The following BCKDHB variants were observed in gnomAD, a reference collection of about 807,000 sequenced individuals.
BCKDHB encodes the protein 2-oxoisovalerate dehydrogenase subunit beta, mitochondrial.
BCKDHB carries 41 observed loss-of-function variants against 48.5 expected under a neutral mutation model. The ratio of observed to expected loss-of-function variants is 0.85; its 90% confidence interval spans 0.66 to 1.10. BCKDHB has a LOEUF of 1.10. BCKDHB is among the 50% of genes least tolerant of loss of function. BCKDHB has a pLI of 0.00. For synonymous variants in BCKDHB, 201 were observed against 174.8 expected, an observed-to-expected ratio of 1.15 and a Z score of -1.18; for missense variants, 496 against 494.2, an observed-to-expected ratio of 1.00 and a Z score of -0.03.
chr6:80,205,320 A>G, intron 8 of BCKDHB, among the ~76,000 whole-genome samples: 1 of 152,018 alleles, frequency 6.6e-6, no homozygotes, highest in East Asian at 1.9e-4. Context: ...TCTTTTAATT[A>G]GCTGTGTTTT....
chr6:80,308,013 G>A (rs373103825), intron 9 of BCKDHB: 1 of 735,702 alleles, frequency 1.4e-6, no homozygotes, highest in Non-Finnish European at 1.7e-6. Context: ...TAAGGGGATG[G>A]TCACTGACCT....
intron 9 of BCKDHB, among the ~76,000 whole-genome samples, chr6:80,317,164 A>G (rs1768490267): frequency 6.6e-6 from 1 of 152,176 alleles, no homozygotes; most frequent in Non-Finnish European, 1.5e-5. Flanking sequence ...CTTAAGGGGC[A>G]GACTTGACTA....
intron 8 of BCKDHB, among the ~76,000 whole-genome samples, chr6:80,220,734 CTTTTTTTT>C (rs67235328): frequency 0.044 from 5,386 of 121,964 alleles, 174 homozygotes; most frequent in Middle Eastern, 0.1. Context: ...TTTTCTTTTT[CTTTTTTTT>C]TTTTTTTTTG....
chr6:80,465,918 C>T, the BCKDHB span: 1 of 152,146 alleles, frequency 6.6e-6, no homozygotes, highest in Non-Finnish European at 1.5e-5. Flanking sequence ...TCCATTGCCT[C>T]CTGTGATGTG....
chr6:80,114,719 A>G (rs764123310), intron 1 of BCKDHB, among the ~76,000 whole-genome samples: 1 of 152,230 alleles, frequency 6.6e-6, no homozygotes, highest in Non-Finnish European at 1.5e-5. Flanking sequence ...GGGAGCCGAC[A>G]CAAGAATTCA....
At chr6:80,217,073 C>T (rs1023156182) in intron 8 of BCKDHB, among the ~76,000 whole-genome samples, 4 of 152,018 alleles carry the variant, frequency 2.6e-5, no homozygotes, top group South Asian at 2.1e-4. Context: ...TGAAACCCCA[C>T]CTCTACTAAA....
At chr6:80,158,918 T>C (rs922793498) in intron 3 of BCKDHB, among the ~76,000 whole-genome samples, 2 of 152,346 alleles carry the variant, frequency 1.3e-5, no homozygotes, top group Middle Eastern at 3.4e-3. Context: ...GACGATTACC[T>C]TGATGACAGG....
chr6:80,420,506 T>C, the BCKDHB span, among the ~76,000 whole-genome samples: 1 of 152,220 alleles, frequency 6.6e-6, no homozygotes, highest in South Asian at 2.1e-4. Context: ...GTTTGTACCT[T>C]CTTTCAAACC....
At chr6:80,232,481 T>C (rs1457064466) in intron 8 of BCKDHB, among the ~76,000 whole-genome samples, 1 of 151,646 alleles carries the variant, frequency 6.6e-6, no homozygotes, top group African/African-American at 2.4e-5. Flanking sequence ...TTCAGAGAAA[T>C]TTACTGTGGG....
chr6:80,171,396 G>T lies in BCKDHB; in HGVS notation c.742+6G>T, dbSNP rs1321918614. On this transcript the variant is annotated splice_donor_region_variant and intron_variant, in intron 6 of 9. Transcript: ENST00000320393. ...AATACTTTACAGGGCAGCAGGTAAAGATTTTCTTTATTTTATATTTGTGAA... is the reference window on the plus strand; with the variant it reads ...AATACTTTACAGGGCAGCAGGTAAATATTTTCTTTATTTTATATTTGTGAA... The T allele has an allele frequency of 6.5e-7, 1 of 1,542,478 alleles. No individual in the cohort carries two copies. The highest frequency in any genetic ancestry group is 8.9e-7 in the Non-Finnish European group (1 of 1,122,146).
intron 8 of BCKDHB, among the ~76,000 whole-genome samples, chr6:80,215,502 G>A (rs1775128869): frequency 6.6e-6 from 1 of 152,222 alleles, no homozygotes. Context: ...ATATCTGCAA[G>A]AGTCCTGAAG....
chr6:80,208,343 A>G (rs1352267528), intron 8 of BCKDHB, among the ~76,000 whole-genome samples: 1 of 151,788 alleles, frequency 6.6e-6, no homozygotes, highest in African/African-American at 2.4e-5. Context: ...CTCAGAGGAA[A>G]CTTTATAGCT....
chr6:80,142,038 C>T (rs1767474141), intron 3 of BCKDHB, among the ~76,000 whole-genome samples: 2 of 152,008 alleles, frequency 1.3e-5, no homozygotes, highest in East Asian at 1.9e-4. Flanking sequence ...TTTGACAGCT[C>T]AGTTTCTAAT....
chr6:80,281,064 A>G (rs646369), intron 9 of BCKDHB, among the ~76,000 whole-genome samples: 139,367 of 152,060 alleles, frequency 0.92, 63,956 homozygotes, highest in East Asian at 0.99. Flanking sequence ...GGTAATGAGT[A>G]CATTTTAGAT....
rs547757348 is a variant in BCKDHB at position 80,330,236 on chromosome 6, G to T, written c.1039-13428G>T. ...AACCTTTTATCTAGGAAAGGGACATGATCAAAATGGCACCAGTGTGGCATC... is the reference window on the plus strand; with the variant it reads ...AACCTTTTATCTAGGAAAGGGACATTATCAAAATGGCACCAGTGTGGCATC... On this transcript the variant is annotated intron_variant, in intron 9 of 9. Transcript: ENST00000320393. Among the ~76,000 whole-genome samples the T allele has an allele frequency of 3.0e-3, 462 of 152,224 alleles. 1 individual carries two copies. The highest frequency in any genetic ancestry group is 4.8e-3 in the Non-Finnish European group (325 of 68,002).
chr6:80,106,948 C>T (rs961491219), intron 1 of BCKDHB, 59 bp downstream of exon 1: 1 of 1,554,586 alleles, frequency 6.4e-7, no homozygotes, highest in East Asian at 2.4e-5. Context: ...GGCTCGCAGG[C>T]GCCCGCGAGG....
chr6:80,247,077 T>C (rs1374720512), intron 8 of BCKDHB, among the ~76,000 whole-genome samples: 3 of 152,256 alleles, frequency 2.0e-5, no homozygotes, highest in Non-Finnish European at 2.9e-5. Flanking sequence ...CTCTCAATTC[T>C]ACAGTTCTGC....
the BCKDHB span, among the ~76,000 whole-genome samples, chr6:80,381,592 G>A: frequency 3.9e-5 from 6 of 151,978 alleles, no homozygotes; most frequent in Middle Eastern, 3.2e-3. Flanking sequence ...TTGAGATGTC[G>A]TGTGTCATTT....
At chr6:80,336,654 C>A (rs948934492) in intron 9 of BCKDHB, among the ~76,000 whole-genome samples, 5 of 151,882 alleles carry the variant, frequency 3.3e-5, no homozygotes, top group Non-Finnish European at 5.9e-5. Context: ...TATGATTTTA[C>A]ATAGAAGCAC....
Sources: allele counts gnomAD v4.1 joint callset (sites outside exome capture counted in the v4.1 genomes callset), GRCh38; gene constraint gnomAD v4.1.1; transcripts MANE v1.5; gene names NCBI Gene and HGNC (gene_info 2026-07-23, HGNC 2026-07-21).